Variants in ULK4 observed in about 807,000 individuals in gnomAD.
ULK4 encodes the protein unc-51 like kinase 4.
Under a neutral mutation model 160.6 loss-of-function variants are expected in ULK4, and 133 were observed. That is an observed-to-expected ratio of 0.83 (90% CI 0.72 to 0.96). ULK4 has a LOEUF of 0.96. Ranked by LOEUF, ULK4 falls within the 40% of genes least tolerant of loss-of-function variation. The pLI, the probability that ULK4 is intolerant of heterozygous loss-of-function variation, is 0.00. For missense variants in ULK4, 1,580 were observed against 1,499.5 expected, an observed-to-expected ratio of 1.05 and a Z score of -0.89; for synonymous variants, 534 against 539.8, an observed-to-expected ratio of 0.99 and a Z score of 0.15.
At chr3:41,859,434 A>C in intron 17 of ULK4, 1 of 557,938 alleles carries the variant, frequency 1.8e-6, no homozygotes, top group Middle Eastern at 3.1e-4. Flanking sequence ...CCAGAATTGA[A>C]ATCAGCCAAA....
intron 22 of ULK4, among the ~76,000 whole-genome samples, chr3:41,723,153 T>C (rs1171786893): frequency 1.3e-5 from 2 of 152,124 alleles, no homozygotes; most frequent in African/African-American, 4.8e-5. Flanking sequence ...TAATTATTAA[T>C]GACAGAATAT....
At chr3:41,495,514 A>C (rs567385725) in intron 32 of ULK4, among the ~76,000 whole-genome samples, 358 of 151,694 alleles carry the variant, frequency 2.4e-3, no homozygotes, top group East Asian at 0.013. Context: ...GGACATAGGC[A>C]TGGGCAAGGA....
intron 34 of ULK4, among the ~76,000 whole-genome samples, chr3:41,442,635 A>C (rs111977854): frequency 0.016 from 2,480 of 152,140 alleles, 75 homozygotes; most frequent in African/African-American, 0.055. Flanking sequence ...TCTCTGTCAC[A>C]CAGGCTGGAG....
intron 27 of ULK4, among the ~76,000 whole-genome samples, chr3:41,692,368 T>C (rs2036335106): frequency 6.6e-6 from 1 of 151,982 alleles, no homozygotes; most frequent in Non-Finnish European, 1.5e-5. Flanking sequence ...TGGTACGGGG[T>C]CACCTTATTA....
chr3:41,650,408 C>T (rs950091619), intron 30 of ULK4, among the ~76,000 whole-genome samples: 1 of 152,222 alleles, frequency 6.6e-6, no homozygotes, highest in Non-Finnish European at 1.5e-5. Flanking sequence ...GGCTGTGATA[C>T]CCTCCTTGGG....
chr3:41,305,236 C>G (rs1019475088), intron 35 of ULK4, among the ~76,000 whole-genome samples: 1 of 152,180 alleles, frequency 6.6e-6, no homozygotes, highest in African/African-American at 2.4e-5. Flanking sequence ...CCTCTCCCCA[C>G]GGTCTCCCTC....
intron 32 of ULK4, among the ~76,000 whole-genome samples, chr3:41,534,355 G>A (rs572345146): frequency 6.6e-6 from 1 of 152,118 alleles, no homozygotes; most frequent in Non-Finnish European, 1.5e-5. Flanking sequence ...TGGTAAAACC[G>A]AAGCTGGAAT....
At chr3:41,822,000 C>T (rs1050243855) in intron 18 of ULK4, among the ~76,000 whole-genome samples, 1 of 152,146 alleles carries the variant, frequency 6.6e-6, no homozygotes, top group Non-Finnish European at 1.5e-5. Flanking sequence ...TTTGCTCCTG[C>T]GTTGCTTACT....
intron 30 of ULK4, among the ~76,000 whole-genome samples, chr3:41,643,753 A>G (rs1185544763): frequency 6.6e-6 from 1 of 152,078 alleles, no homozygotes; most frequent in Non-Finnish European, 1.5e-5. Flanking sequence ...CTTGATGGGG[A>G]TGGCATTGAA....
intron 31 of ULK4, among the ~76,000 whole-genome samples, chr3:41,601,785 A>G (rs1010723811): frequency 6.6e-6 from 1 of 152,224 alleles, no homozygotes; most frequent in Admixed American, 6.5e-5. Flanking sequence ...CATCCAAAAG[A>G]AGGAAAGTCT....
chr3:41,869,590 C>G (rs1375609060), intron 17 of ULK4, among the ~76,000 whole-genome samples: 1 of 151,946 alleles, frequency 6.6e-6, no homozygotes, highest in African/African-American at 2.4e-5. Flanking sequence ...AAAAAACACT[C>G]ACATATACAA....
At chr3:41,430,961 T>G (rs191233253) in intron 34 of ULK4, among the ~76,000 whole-genome samples, 2 of 152,356 alleles carry the variant, frequency 1.3e-5, no homozygotes, top group African/African-American at 4.8e-5. Context: ...ACTGTTCATC[T>G]TAAATAAGTC....
chr3:41,381,696 C>T (rs759912822), intron 35 of ULK4, among the ~76,000 whole-genome samples: 26 of 152,178 alleles, frequency 1.7e-4, no homozygotes, highest in Non-Finnish European at 3.2e-4. Flanking sequence ...CAGCAACCCC[C>T]TGACATGTAT....
rs1184132965 is a variant in ULK4 at position 41,677,354 on chromosome 3, T to C, written c.2978+4154A>G. Among the ~76,000 whole-genome samples the C allele has an allele frequency of 3.4e-5, 5 of 147,532 alleles. No homozygotes were observed. The East Asian group carries it at 1.0e-3, about 29-fold the overall frequency. On this transcript the variant is annotated intron_variant, in intron 29 of 36. Coordinates refer to ENST00000301831, the MANE Select transcript of ULK4 (RefSeq NM_017886.4). ...TTCATTTTTTTTTTTTTTTTTGAGA[T>C]GGAGTCTTGCTCTGTTGCCCAGGCT...
intron 8 of ULK4, among the ~76,000 whole-genome samples, chr3:41,914,430 G>A (rs1296368966): frequency 2.0e-5 from 3 of 152,196 alleles, no homozygotes; most frequent in Non-Finnish European, 1.5e-5. Context: ...CACTGTAGAT[G>A]AGAGTGGGAG....
chr3:41,269,638 T>C (rs1449621284), intron 35 of ULK4, among the ~76,000 whole-genome samples: 3 of 152,214 alleles, frequency 2.0e-5, no homozygotes, highest in African/African-American at 7.2e-5. Context: ...ATACAATGTA[T>C]AAAGATGCAA....
chr3:41,717,543 T>C (rs1163308102), intron 23 of ULK4, among the ~76,000 whole-genome samples, 185 bp downstream of exon 23: 2 of 152,164 alleles, frequency 1.3e-5, no homozygotes, highest in Non-Finnish European at 2.9e-5. Flanking sequence ...ATCATGTCAT[T>C]GATGCAAAAT....
rs1417472732 is a variant in ULK4 at position 41,441,869 on chromosome 3, T to C, written c.3492+13628A>G. On this transcript the variant is annotated intron_variant, in intron 34 of 36. Transcript: ENST00000301831. ...GTTGTTTTGCTTCATGTGGTTTGTTTAGCACTGTTAGGTCTATTTGATTGA... is the reference window on the plus strand; with the variant it reads ...GTTGTTTTGCTTCATGTGGTTTGTTCAGCACTGTTAGGTCTATTTGATTGA... Among the ~76,000 whole-genome samples the C allele has an allele frequency of 2.0e-5, 3 of 152,214 alleles. No individual in the cohort carries two copies. In the East Asian group the frequency reaches 5.8e-4, roughly 29 times the overall value.
At chr3:41,745,091 C>T (rs2038374457) in intron 22 of ULK4, among the ~76,000 whole-genome samples, 1 of 151,196 alleles carries the variant, frequency 6.6e-6, no homozygotes, top group Non-Finnish European at 1.5e-5. Flanking sequence ...AGAAATAATG[C>T]TACATGAGAC....
Sources: gnomAD v4.1 joint callset for allele counts (sites outside exome capture counted in the v4.1 genomes callset) on GRCh38, gnomAD v4.1.1 for gene constraint, MANE v1.5 for transcripts, NCBI Gene and HGNC (gene_info 2026-07-23, HGNC 2026-07-21) for gene names.